The following MARCHF1 variants were observed in gnomAD, a reference collection of about 807,000 sequenced individuals.
The protein encoded by MARCHF1 is membrane associated ring-CH-type finger 1.
MARCHF1 carries 40 observed loss-of-function variants against 54.2 expected under a neutral mutation model. The observed-to-expected ratio is 0.74, with a 90% CI of 0.57 to 0.96. The LOEUF (loss-of-function observed/expected upper bound fraction) is 0.96, where lower values mean the gene tolerates loss of function less well. Among genes scored for constraint, MARCHF1 ranks in the 40% least tolerant of loss-of-function variants. The pLI, the probability that MARCHF1 is intolerant of heterozygous loss-of-function variation, is 0.00. For missense variants in MARCHF1, 586 were observed against 656.5 expected (o/e 0.89, Z 1.17); for synonymous variants, 236 against 236.3 (o/e 1.00, Z 0.01).
rs552821120 is a variant in MARCHF1 at position 163,854,277 on chromosome 4, CT to C, written c.-38-109del. 222 of 845,352 alleles carry C rather than the reference CT, an allele frequency of 2.6e-4. 1 individual carries two copies. The African/African-American group carries it at 3.5e-3, about 13-fold the overall frequency. 52.4% of individuals were successfully genotyped at this position (845,352 alleles called of 1,614,324 possible). On this transcript the variant is annotated intron_variant, in intron 3 of 9. Coordinates refer to ENST00000514618, the MANE Select transcript of MARCHF1 (RefSeq NM_001394959.1). ...CAATATAACAAAACACTAATTGAGA[CT>C]TTTTTAAAAAAACCAGGGGTTACAA...
At chr4:163,963,507 A>C (rs545443005) in intron 3 of MARCHF1, among the ~76,000 whole-genome samples, 12 of 152,046 alleles carry the variant, frequency 7.9e-5, no homozygotes. Flanking sequence ...AGATTACTGC[A>C]GAGATCATTA....
chr4:163,878,319 T>A (rs1196400811), intron 3 of MARCHF1, among the ~76,000 whole-genome samples: 2 of 152,236 alleles, frequency 1.3e-5, no homozygotes, highest in African/African-American at 4.8e-5. Flanking sequence ...CTCATGCATA[T>A]GAATCTGTCA....
intron 1 of MARCHF1, among the ~76,000 whole-genome samples, chr4:164,158,459 G>A (rs1730135393): frequency 2.0e-5 from 3 of 151,998 alleles, no homozygotes; most frequent in South Asian, 4.2e-4. Context: ...TGACCAATAC[G>A]ATGAAACTCT....
chr4:164,193,383 G>A (rs1230375486), intron 1 of MARCHF1, among the ~76,000 whole-genome samples: 1 of 151,944 alleles, frequency 6.6e-6, no homozygotes, highest in East Asian at 1.9e-4. Context: ...GAGCCGAGAA[G>A]TTGATTTGCG....
intron 1 of MARCHF1, among the ~76,000 whole-genome samples, chr4:164,303,349 A>G (rs987253475): frequency 6.6e-6 from 1 of 152,174 alleles, no homozygotes; most frequent in African/African-American, 2.4e-5. Flanking sequence ...TTCCCTTTCA[A>G]GAAATGAAAA....
chr4:164,181,719 A>G (rs1014113335), intron 1 of MARCHF1, among the ~76,000 whole-genome samples: 1 of 152,212 alleles, frequency 6.6e-6, no homozygotes, highest in South Asian at 2.1e-4. Flanking sequence ...ACTTGACAAT[A>G]TAGTCCTAGC....
chr4:164,268,031 A>T (rs1242980705), intron 1 of MARCHF1, among the ~76,000 whole-genome samples: 3 of 152,170 alleles, frequency 2.0e-5, no homozygotes, highest in Non-Finnish European at 2.9e-5. Context: ...TCATCAAAGC[A>T]AGCTCATAAG....
intron 1 of MARCHF1, among the ~76,000 whole-genome samples, chr4:164,315,138 A>G (rs1734961651): frequency 6.6e-6 from 1 of 151,978 alleles, no homozygotes; most frequent in Non-Finnish European, 1.5e-5. Flanking sequence ...TATGCTCCAT[A>G]AAACACTTCG....
At chr4:163,561,006 ATTTG>A (rs1370005287) in intron 8 of MARCHF1, among the ~76,000 whole-genome samples, 1 of 151,994 alleles carries the variant, frequency 6.6e-6, no homozygotes, top group Non-Finnish European at 1.5e-5. Flanking sequence ...AGATGCTTTT[ATTTG>A]TTTTTCTTGC....
intron 1 of MARCHF1, among the ~76,000 whole-genome samples, chr4:164,130,503 C>T (rs1475467663): frequency 3.3e-5 from 5 of 152,082 alleles, no homozygotes; most frequent in African/African-American, 1.2e-4. Context: ...GCTGCAATAT[C>T]ATTATGTTTT....
chr4:164,358,861 T>A (rs1202602317), intron 1 of MARCHF1, among the ~76,000 whole-genome samples: 2 of 152,116 alleles, frequency 1.3e-5, no homozygotes, highest in African/African-American at 4.8e-5. Flanking sequence ...CATCGAGCAA[T>A]TGGATTTTTA....
At chr4:164,033,900 T>C (rs1186325152) in intron 2 of MARCHF1, among the ~76,000 whole-genome samples, 1 of 152,110 alleles carries the variant, frequency 6.6e-6, no homozygotes, top group Non-Finnish European at 1.5e-5. Flanking sequence ...GAAACACCAT[T>C]TGACCCAGTG....
chr4:163,770,625 T>A (rs1385093889), intron 4 of MARCHF1, among the ~76,000 whole-genome samples: 3 of 151,392 alleles, frequency 2.0e-5, no homozygotes, highest in East Asian at 1.9e-4. Context: ...ATACAGACTC[T>A]GAGAGTTTCA....
At chr4:163,767,554 T>G (rs1747021631) in intron 4 of MARCHF1, among the ~76,000 whole-genome samples, 1 of 152,124 alleles carries the variant, frequency 6.6e-6, no homozygotes, top group South Asian at 2.1e-4. Context: ...CAGGATGGTC[T>G]CGATCTCCTG....
chr4:163,853,838 T>G (rs1056590692), intron 4 of MARCHF1, among the ~76,000 whole-genome samples, 183 bp downstream of exon 4: 3 of 152,222 alleles, frequency 2.0e-5, no homozygotes, highest in African/African-American at 7.2e-5. Flanking sequence ...TAATATTATA[T>G]GTCACTAAGG....
intron 1 of MARCHF1, among the ~76,000 whole-genome samples, chr4:164,220,973 A>T (rs1244411171): frequency 6.6e-6 from 1 of 151,870 alleles, no homozygotes; most frequent in Non-Finnish European, 1.5e-5. Context: ...GTTTGTTCTG[A>T]TCTTCATCCT....
In MARCHF1 at chr4:164,256,403, A is replaced by C. The variant is rs201954861; in HGVS notation, c.-323+127467T>G. Among the ~76,000 whole-genome samples the C allele has an allele frequency of 2.0e-5, 3 of 149,848 alleles. No homozygotes were observed. In the East Asian group the frequency reaches 5.9e-4, roughly 29 times the overall value. Reference sequence around the variant, plus strand: ...TGGGTGAAAACAAAAAAAACTAAAAATGTGAACTAACTTGTAGCACAAGAA... The same window carrying C: ...TGGGTGAAAACAAAAAAAACTAAAACTGTGAACTAACTTGTAGCACAAGAA... On this transcript the variant is annotated intron_variant, in intron 1 of 9. Transcript: ENST00000514618.
At chr4:164,121,796 G>T (rs998953920) in intron 1 of MARCHF1, among the ~76,000 whole-genome samples, 1 of 151,906 alleles carries the variant, frequency 6.6e-6, no homozygotes, top group African/African-American at 2.4e-5. Flanking sequence ...CCCCACTCCA[G>T]CTATTCAAAA....
chr4:164,025,657 G>A (rs941233669), intron 2 of MARCHF1, among the ~76,000 whole-genome samples: 8 of 150,324 alleles, frequency 5.3e-5, no homozygotes, highest in South Asian at 2.1e-4. Context: ...TTTGCATGTC[G>A]AGAAACTAGA....
Sources: gnomAD v4.1 joint callset for allele counts (sites outside exome capture counted in the v4.1 genomes callset) on GRCh38, gnomAD v4.1.1 for gene constraint, MANE v1.5 for transcripts, NCBI Gene and HGNC (gene_info 2026-07-23, HGNC 2026-07-21) for gene names.